PPA2: variants seen among roughly 807,000 people sequenced by gnomAD.
PPA2 encodes inorganic pyrophosphatase 2, mitochondrial.
A neutral mutation model predicts 49.5 loss-of-function variants in PPA2; 48 were observed. The observed-to-expected ratio is 0.97, with a 90% CI of 0.77 to 1.23. PPA2 has a LOEUF of 1.23. Among genes scored for constraint, PPA2 ranks in the 50% most tolerant of loss-of-function variants. PPA2 has a pLI of 0.00. For missense variants in PPA2, 429 were observed against 410.1 expected (o/e 1.05, Z -0.40); for synonymous variants, 131 against 139.9 (o/e 0.94, Z 0.45).
rs551315492 is a variant in PPA2, at chr4:105,425,564, T to C, written c.529-1242A>G. Among the ~76,000 whole-genome samples the C allele has an allele frequency of 3.5e-3, 527 of 152,160 alleles. 4 individuals carry two copies. The highest frequency in any genetic ancestry group is 6.8e-3 in the Middle Eastern group (2 of 294). On this transcript the variant is annotated intron_variant, in intron 6 of 11. Transcript: ENST00000341695. ...GTTAAGAAAAAATTAACAATCCCAG[T>C]GTCCTCTGGGACAACATTCAGCATT...
intron 9 of PPA2, among the ~76,000 whole-genome samples, chr4:105,390,616 A>T (rs4467572): frequency 7.2e-5 from 11 of 152,104 alleles, no homozygotes; most frequent in East Asian, 5.8e-4. Context: ...TACCATCTTG[A>T]GCCATGAATG....
intron 1 of PPA2, chr4:105,473,553 C>T (rs1299332777): frequency 1.9e-6 from 1 of 526,718 alleles, no homozygotes; most frequent in Non-Finnish European, 3.6e-6. Context: ...GCGGCCGGGC[C>T]GGCTAATGGC....
intron 9 of PPA2, among the ~76,000 whole-genome samples, chr4:105,392,748 C>T (rs1733976601): frequency 6.6e-6 from 1 of 151,792 alleles, no homozygotes; most frequent in Non-Finnish European, 1.5e-5. Context: ...TATTGAGTGG[C>T]TACTACATGC....
chr4:105,414,181 A>C (rs1358685420), intron 7 of PPA2, among the ~76,000 whole-genome samples: 1 of 152,258 alleles, frequency 6.6e-6, no homozygotes. Flanking sequence ...AAAAAATAAT[A>C]AACTATTATT....
chr4:105,409,358 C>T (rs1020259326), intron 7 of PPA2, among the ~76,000 whole-genome samples: 5 of 152,204 alleles, frequency 3.3e-5, no homozygotes, highest in African/African-American at 1.2e-4. Flanking sequence ...GGGGCGTCCA[C>T]CATTGCTGAG....
At chr4:105,406,919 C>A (rs376211383) in intron 7 of PPA2, 5 of 151,800 alleles carry the variant, frequency 3.3e-5, no homozygotes, top group African/African-American at 9.7e-5. Context: ...GCTTAAAAAA[C>A]CCTATAACTT....
intron 10 of PPA2, among the ~76,000 whole-genome samples, chr4:105,383,000 G>A (rs1733548021): frequency 1.0e-5 from 1 of 97,324 alleles, no homozygotes; most frequent in South Asian, 3.6e-4. Context: ...AAGACCCTGT[G>A]TCTCAAAAAA....
chr4:105,407,978 A>G (rs560049915), intron 7 of PPA2, among the ~76,000 whole-genome samples: 1 of 152,204 alleles, frequency 6.6e-6, no homozygotes, highest in Non-Finnish European at 1.5e-5. Context: ...AATGGGGTGA[A>G]TTTGACTGGA....
At chr4:105,386,715 A>T in intron 9 of PPA2, 79 bp from the exon 10 acceptor site, 1 of 1,076,510 alleles carries the variant, frequency 9.3e-7, no homozygotes, top group Non-Finnish European at 1.4e-6. Context: ...AACTAACTCC[A>T]AATACTCCAC....
chr4:105,406,735 A>G (rs1722493313), intron 7 of PPA2, among the ~76,000 whole-genome samples: 1 of 152,158 alleles, frequency 6.6e-6, no homozygotes, highest in Admixed American at 6.5e-5. Flanking sequence ...CAACCTGAGA[A>G]TATTGTTATT....
chr4:105,453,426 A>G (rs1722748824), intron 3 of PPA2, among the ~76,000 whole-genome samples, 172 bp downstream of exon 3: 1 of 152,212 alleles, frequency 6.6e-6, no homozygotes, highest in Admixed American at 6.5e-5. Context: ...CACAATAAAA[A>G]AAGTTAAATG....
intron 3 of PPA2, among the ~76,000 whole-genome samples, chr4:105,451,710 A>C (rs530870731): frequency 1.3e-5 from 2 of 152,336 alleles, no homozygotes; most frequent in East Asian, 3.9e-4. Context: ...AATAACACCT[A>C]CCAAAACCAC....
intron 10 of PPA2, among the ~76,000 whole-genome samples, chr4:105,382,391 T>C (rs1421768381): frequency 6.6e-6 from 1 of 152,172 alleles, no homozygotes; most frequent in Non-Finnish European, 1.5e-5. Flanking sequence ...TACATTTTGT[T>C]TGAATCTTCT....
intron 6 of PPA2, among the ~76,000 whole-genome samples, chr4:105,430,816 CCAAA>C (rs1468813134): frequency 6.6e-6 from 1 of 152,094 alleles, no homozygotes; most frequent in African/African-American, 2.4e-5. Flanking sequence ...AAATGATTTA[CCAAA>C]CAGACACTGT....
At chr4:105,408,194 CAA>C (rs1277837318) in intron 7 of PPA2, among the ~76,000 whole-genome samples, 2 of 151,930 alleles carry the variant, frequency 1.3e-5, no homozygotes, top group Non-Finnish European at 2.9e-5. Context: ...CTTGCAGAGT[CAA>C]AGAGAATTCA....
chr4:105,427,585 C>A (rs191500383), intron 6 of PPA2, among the ~76,000 whole-genome samples: 222 of 151,966 alleles, frequency 1.5e-3, no homozygotes, highest in Middle Eastern at 3.4e-3. Flanking sequence ...CAATCAAGCA[C>A]AAGACAGGAT....
At chr4:105,460,978 TAATA>T (rs984092042) in intron 1 of PPA2, among the ~76,000 whole-genome samples, 15 of 152,160 alleles carry the variant, frequency 9.9e-5, no homozygotes, top group African/African-American at 3.4e-4. Context: ...GAAATAGTAT[TAATA>T]AATAAAAATG....
intron 9 of PPA2, among the ~76,000 whole-genome samples, chr4:105,396,035 T>G (rs964532252): frequency 6.6e-6 from 1 of 152,180 alleles, no homozygotes; most frequent in African/African-American, 2.4e-5. Flanking sequence ...CATTTATTTA[T>G]CAGTATTCCC....
At chr4:105,453,501 AAAAACCTTAGAATC>A in intron 3 of PPA2, 83 bp downstream of exon 3, 5 of 960,582 alleles carry the variant, frequency 5.2e-6, no homozygotes, top group Non-Finnish European at 7.4e-6. Flanking sequence ...TTGCAGGGGT[AAAAACCTTAGAATC>A]ATTTTACAAA....
Sources: allele counts gnomAD v4.1 joint callset (sites outside exome capture counted in the v4.1 genomes callset), GRCh38; gene constraint gnomAD v4.1.1; transcripts MANE v1.5; gene names NCBI Gene and HGNC (gene_info 2026-07-23, HGNC 2026-07-21).